Variants in ARL15 observed in about 807,000 individuals in gnomAD.
ARL15 encodes ARF like GTPase 15, also known as ADP-ribosylation factor-like protein 15.
In ARL15, 19 loss-of-function variants were observed where a neutral mutation model predicts 25.2. The observed-to-expected ratio is 0.75, with a 90% CI of 0.53 to 1.10. The LOEUF (loss-of-function observed/expected upper bound fraction) is 1.10. Ranked by LOEUF, ARL15 falls within the 50% of genes least tolerant of loss-of-function variation. The pLI, the probability that ARL15 is intolerant of heterozygous loss-of-function variation, is 0.00. For synonymous variants in ARL15, 94 were observed against 86.8 expected (o/e 1.08, Z -0.46); for missense variants, 220 against 246.0 (o/e 0.89, Z 0.71).
intron 1 of ARL15, among the ~76,000 whole-genome samples, chr5:54,262,476 G>A (rs1233946944): frequency 6.6e-6 from 1 of 152,094 alleles, no homozygotes; most frequent in African/African-American, 2.4e-5. Flanking sequence ...ACCTATTACT[G>A]AAAAACTGCC....
At chr5:54,141,468 G>T (rs1579841501) in intron 3 of ARL15, among the ~76,000 whole-genome samples, 1 of 151,934 alleles carries the variant, frequency 6.6e-6, no homozygotes, top group Non-Finnish European at 1.5e-5. Flanking sequence ...CAATTTCAAC[G>T]ATTTTTAACT....
chr5:54,110,640 T>C (rs1307908527), intron 4 of ARL15, among the ~76,000 whole-genome samples: 3 of 151,918 alleles, frequency 2.0e-5, no homozygotes, highest in Admixed American at 6.6e-5. Context: ...CAGGTGCAAA[T>C]GAGTAAGAAT....
chr5:54,168,586 CT>C (rs1241723412), intron 2 of ARL15, among the ~76,000 whole-genome samples: 3 of 152,098 alleles, frequency 2.0e-5, no homozygotes, highest in Non-Finnish European at 4.4e-5. Flanking sequence ...AACAGCTTCT[CT>C]AAGTCTCTAG....
chr5:54,095,946 G>A (rs1450264255), intron 4 of ARL15, among the ~76,000 whole-genome samples: 1 of 152,086 alleles, frequency 6.6e-6, no homozygotes, highest in Non-Finnish European at 1.5e-5. Context: ...AATGACAGGA[G>A]ATTGTTGTGG....
intron 2 of ARL15, among the ~76,000 whole-genome samples, chr5:54,158,598 G>A (rs1754309010): frequency 6.6e-6 from 1 of 152,208 alleles, no homozygotes; most frequent in South Asian, 2.1e-4. Flanking sequence ...TGAAGTGCCA[G>A]GCACGGTGGC....
chr5:54,255,666 A>C (rs1018906247), intron 1 of ARL15, among the ~76,000 whole-genome samples: 7 of 152,160 alleles, frequency 4.6e-5, no homozygotes, highest in African/African-American at 1.7e-4. Context: ...CATATGGAGA[A>C]TTCCAAAGTT....
At chr5:54,248,298 A>G (rs1757146586) in intron 1 of ARL15, among the ~76,000 whole-genome samples, 1 of 152,158 alleles carries the variant, frequency 6.6e-6, no homozygotes, top group South Asian at 2.1e-4. Context: ...CAACAAGACC[A>G]TCTCTCTTCA....
chr5:54,269,907 A>G (rs976000132), intron 1 of ARL15, among the ~76,000 whole-genome samples: 1 of 152,186 alleles, frequency 6.6e-6, no homozygotes, highest in African/African-American at 2.4e-5. Context: ...GGTCTCCCAA[A>G]GTGCTGAGAT....
At chr5:54,105,676 G>A (rs145064044) in intron 4 of ARL15, among the ~76,000 whole-genome samples, 3,346 of 152,062 alleles carry the variant, frequency 0.022, 113 homozygotes, top group African/African-American at 0.076. Flanking sequence ...TCCACCTCCC[G>A]AGTTCAAGCA....
intron 1 of ARL15, among the ~76,000 whole-genome samples, chr5:54,269,470 T>C (rs1446117787): frequency 1.3e-5 from 2 of 152,134 alleles, no homozygotes. Flanking sequence ...TTAAATTTTC[T>C]CTTATGGACT....
intron 4 of ARL15, among the ~76,000 whole-genome samples, chr5:54,106,895 T>C (rs1345759393): frequency 6.6e-6 from 1 of 152,032 alleles, no homozygotes; most frequent in Non-Finnish European, 1.5e-5. Context: ...CCAAGGGAAA[T>C]CAGATGAGAG....
At position 53,977,990 on chromosome 5, in the gene ARL15, C is replaced by G. The variant is rs192977232; in HGVS notation, c.463-91277G>C. Among the ~76,000 whole-genome samples, 738 of 152,246 alleles carry G rather than the reference C, an allele frequency of 4.8e-3. 4 individuals carry two copies. Among genetic ancestry groups the G allele is most frequent in the Admixed American group, 8.6e-3 (132 of 15,288 alleles). On this transcript the variant is annotated intron_variant, in intron 4 of 4. Coordinates refer to ENST00000504924, the MANE Select transcript of ARL15 (RefSeq NM_019087.3). Reference sequence around the variant, plus strand: ...TTTTCGCCTATAATAGGAGGAAAGACTCATTAGCACAAAACCATCTAAGAG... The same window carrying G: ...TTTTCGCCTATAATAGGAGGAAAGAGTCATTAGCACAAAACCATCTAAGAG...
intron 4 of ARL15, among the ~76,000 whole-genome samples, chr5:54,005,681 G>A (rs1420388284): frequency 6.6e-6 from 1 of 152,012 alleles, no homozygotes; most frequent in Admixed American, 6.6e-5. Flanking sequence ...GGCTAACAAG[G>A]TGCAACCCCA....
chr5:54,116,241 T>A (rs78718938), intron 3 of ARL15, among the ~76,000 whole-genome samples: 1 of 152,014 alleles, frequency 6.6e-6, no homozygotes, highest in Non-Finnish European at 1.5e-5. Context: ...GGCAGGCCTC[T>A]GGAGAAGAGT....
At chr5:54,061,988 C>A (rs1236901233) in intron 4 of ARL15, among the ~76,000 whole-genome samples, 1 of 152,242 alleles carries the variant, frequency 6.6e-6, no homozygotes, top group African/African-American at 2.4e-5. Flanking sequence ...TGGGAACCTA[C>A]TTGTTGCATC....
chr5:54,004,994 T>C (rs1748976965), intron 4 of ARL15, among the ~76,000 whole-genome samples: 1 of 151,470 alleles, frequency 6.6e-6, no homozygotes, highest in African/African-American at 2.4e-5. Flanking sequence ...GTGTTTTCTT[T>C]TTCTTTTTTC....
In ARL15 at chr5:54,048,795, G is replaced by GAAA. The variant is rs543949208; in HGVS notation, c.462+64404_462+64406dup. On this transcript the variant is annotated intron_variant, in intron 4 of 4. Coordinates refer to ENST00000504924, the MANE Select transcript of ARL15 (RefSeq NM_019087.3). ...TATTACCAGGTTGACTATGCTATAG[G>GAAA]AAAAAAAAAAAAAACAACAGTCCGA... is the stretch of plus-strand genomic sequence containing the variant. Among the ~76,000 whole-genome samples, 633 of 139,646 alleles carry GAAA rather than the reference G, an allele frequency of 4.5e-3. 9 individuals are homozygous for GAAA. Among genetic ancestry groups the GAAA allele is most frequent in the African/African-American group, 0.016 (605 of 38,720 alleles). The allele number at this position is 139,646 out of a possible 152,430, so 91.6% of individuals were successfully genotyped here.
chr5:53,957,748 C>T (rs1001843487), intron 4 of ARL15, among the ~76,000 whole-genome samples: 2 of 151,796 alleles, frequency 1.3e-5, no homozygotes, highest in South Asian at 2.1e-4. Context: ...CAACTGAGCC[C>T]GGAAGGTCAA....
At chr5:54,306,748 C>T (rs1299337741) in intron 1 of ARL15, among the ~76,000 whole-genome samples, 2 of 152,174 alleles carry the variant, frequency 1.3e-5, no homozygotes, top group Non-Finnish European at 2.9e-5. Context: ...AAATGGCTTT[C>T]CCTCCACTAT....
Sources: allele counts gnomAD v4.1 joint callset (sites outside exome capture counted in the v4.1 genomes callset), GRCh38; gene constraint gnomAD v4.1.1; transcripts MANE v1.5; gene names NCBI Gene and HGNC (gene_info 2026-07-23, HGNC 2026-07-21).